GALNT9: variants seen among roughly 807,000 people sequenced by gnomAD.
GALNT9 encodes the protein polypeptide N-acetylgalactosaminyltransferase 9, also known as GalNAc transferase 9.
Under a neutral mutation model 63.1 loss-of-function variants are expected in GALNT9, and 47 were observed. The observed-to-expected ratio is 0.75, with a 90% CI of 0.59 to 0.95. The LOEUF is 0.95. GALNT9 is among the 40% of genes least tolerant of loss of function. The pLI is 0.00. For missense variants in GALNT9, 829 were observed against 874.8 expected (o/e 0.95, Z 0.66); for synonymous variants, 396 against 365.7 (o/e 1.08, Z -0.94).
At chr12:132,201,055 T>C (rs1174573871) in intron 8 of GALNT9, 69 bp downstream of exon 8, 2 of 1,438,168 alleles carry the variant, frequency 1.4e-6, no homozygotes, top group East Asian at 4.6e-5. Context: ...TCACCCTGAA[T>C]GCATACGTGT....
intron 1 of GALNT9, among the ~76,000 whole-genome samples, chr12:132,290,397 G>GC (rs1880762593): frequency 6.6e-6 from 1 of 152,116 alleles, no homozygotes; most frequent in Admixed American, 6.5e-5. Flanking sequence ...CCGTCCCAAC[G>GC]CGCTGTGTCT....
intron 2 of GALNT9, chr12:132,280,311 C>T (rs1880286383): frequency 6.6e-6 from 1 of 152,256 alleles, no homozygotes; most frequent in Non-Finnish European, 1.5e-5. Context: ...ATGAGGGACA[C>T]AAATGTCTCT....
intron 6 of GALNT9, among the ~76,000 whole-genome samples, chr12:132,225,492 A>G (rs888316723): frequency 6.9e-6 from 1 of 143,974 alleles, no homozygotes; most frequent in Non-Finnish European, 1.5e-5. Context: ...ACACATACAT[A>G]CCACACAATC....
intron 3 of GALNT9, among the ~76,000 whole-genome samples, chr12:132,261,456 C>T (rs782284534): frequency 5.3e-5 from 8 of 152,230 alleles, no homozygotes; most frequent in Non-Finnish European, 1.0e-4. Flanking sequence ...GGTGGACACA[C>T]AAACGTGGCC....
intron 1 of GALNT9, among the ~76,000 whole-genome samples, chr12:132,298,691 CCT>C (rs1555243489): frequency 4.0e-5 from 6 of 150,890 alleles, no homozygotes; most frequent in East Asian, 4.0e-4. Context: ...CTAACCCACC[CCT>C]GAGATAACCA....
rs1555236336 is a variant in GALNT9, at chr12:132,236,412, C to T, written c.1077+11498G>A. On this transcript the variant is annotated intron_variant, in intron 6 of 10. Transcript: ENST00000328957. This position sits in a 1 kb window ranked among gnomAD's most constrained non-coding sequence, Gnocchi z 5.6. ...GCCTCGGAACCGGAGGGGAAGACCCCACAGCGTCTGCGGAGCTCCCTGAGG... is the reference window on the plus strand; with the variant it reads ...GCCTCGGAACCGGAGGGGAAGACCCTACAGCGTCTGCGGAGCTCCCTGAGG... 6.6e-6 allele frequency among the ~76,000 whole-genome samples: 1 copy of T among 152,004 alleles called. No individual in the cohort carries two copies. The highest frequency in any genetic ancestry group is 1.5e-5 in the Non-Finnish European group (1 of 67,996).
Position 132,296,130 on chromosome 12 carries a change from G to C in GALNT9, c.239-9700C>G, listed in dbSNP as rs1452045349. Among the ~76,000 whole-genome samples the C allele has an allele frequency of 2.0e-5, 3 of 151,792 alleles. No individual in the cohort carries two copies. Among genetic ancestry groups the C allele is most frequent in the Non-Finnish European group, 4.4e-5 (3 of 67,908 alleles). On this transcript the variant is annotated intron_variant, in intron 1 of 10. Coordinates refer to ENST00000328957, the MANE Select transcript of GALNT9 (RefSeq NM_001122636.2). The surrounding 1 kb of genome is among the most constrained non-coding windows in gnomAD (Gnocchi z 4.2). ...CGAACAGGGAGAGCCTCTGAACAGG[G>C]AGAGCCTCTGAACAGGGACGGCCTC...
intron 6 of GALNT9, among the ~76,000 whole-genome samples, chr12:132,229,602 G>T (rs1457008053): frequency 1.3e-5 from 2 of 152,190 alleles, no homozygotes; most frequent in Non-Finnish European, 2.9e-5. Flanking sequence ...CGGGGATGGG[G>T]CTGGGAGAGA....
At position 132,282,424 on chromosome 12, in the gene GALNT9, TGTGTGC is replaced by T. The variant is rs1441386154; in HGVS notation, c.419+3820_419+3825del. ...GTGCGCGTGTGTGCGTGTGTGTGCGTGTGTGCGTGCATGCGTGTGTGTGCGTGTGCA... is the reference window on the plus strand; with the variant it reads ...GTGCGCGTGTGTGCGTGTGTGTGCGTGTGCATGCGTGTGTGTGCGTGTGCA... On this transcript the variant is annotated intron_variant, in intron 2 of 10. Coordinates refer to ENST00000328957, the MANE Select transcript of GALNT9 (RefSeq NM_001122636.2). This position sits in a 1 kb window ranked among gnomAD's most constrained non-coding sequence, Gnocchi z 4.5. 6.6e-6 allele frequency among the ~76,000 whole-genome samples: 1 copy of T among 151,558 alleles called. No homozygotes were observed. Among genetic ancestry groups the T allele is most frequent in the Admixed American group, 6.6e-5 (1 of 15,258 alleles).
At chr12:132,235,403 A>G (rs1877966311) in intron 6 of GALNT9, among the ~76,000 whole-genome samples, 1 of 152,220 alleles carries the variant, frequency 6.6e-6, no homozygotes, top group Non-Finnish European at 1.5e-5. Context: ...AGGGTCCTAG[A>G]GGAGAGGTGG....
intron 8 of GALNT9, chr12:132,200,353 T>TGGGGGCCAGTGGAGAC (rs1275694088): frequency 2.2e-5 from 3 of 133,750 alleles, no homozygotes; most frequent in Non-Finnish European, 4.8e-5. Flanking sequence ...GCTGTGCATG[T>TGGGGGCCAGTGGAGAC]GGGGGCCAGT....
At position 132,243,333 on chromosome 12, in the gene GALNT9, C is replaced by CCT; in HGVS notation, c.1077+4576_1077+4577insAG. Among the ~76,000 whole-genome samples the CCT allele has an allele frequency of 1.6e-5, 2 of 126,392 alleles. 1 individual carries two copies. Among genetic ancestry groups the CCT allele is most frequent in the Non-Finnish European group, 3.4e-5 (2 of 59,240 alleles). 82.9% of individuals were successfully genotyped at this position (126,392 alleles called of 152,430 possible). A position where few individuals can be genotyped will look rare whatever the true frequency, so the allele number is the denominator to read the frequency against. On this transcript the variant is annotated intron_variant, in intron 6 of 10. Coordinates refer to ENST00000328957, the MANE Select transcript of GALNT9 (RefSeq NM_001122636.2). ...CATTACACACACACCACACACCCTT[C>CCT]CCGGGGGGCCATCAGGGCCCCCAGT... is the stretch of plus-strand genomic sequence containing the variant.
intron 6 of GALNT9, among the ~76,000 whole-genome samples, chr12:132,221,644 G>A: frequency 8.8e-6 from 1 of 113,938 alleles, no homozygotes; most frequent in African/African-American, 3.5e-5. Flanking sequence ...CTGGGTGACA[G>A]AGTGAGACGT....
Position 132,329,044 on chromosome 12 carries a change from C to T in GALNT9, c.160G>A (p.Val54Met), listed in dbSNP as rs1423411465. Residue 54 changes from valine (V) to methionine (M), a missense_variant, in exon 1 of 11, where the codon GTG (valine) becomes ATG (methionine). Transcript: ENST00000328957. The part of the protein sequence containing the change: ...DRRVRSRHAK[V>M]GTLGDREAIL... ...GCCTCACGGTCCCCCAGCGTGCCCA[C>T]CTTGGCGTGTCGGCTGCGCACCCGG... The T allele has an allele frequency of 6.5e-7, 1 of 1,546,266 alleles. No homozygotes were observed. The highest frequency in any genetic ancestry group is 1.4e-5 in the African/African-American group (1 of 72,992).
intron 2 of GALNT9, among the ~76,000 whole-genome samples, chr12:132,268,911 C>T (rs1352302896): frequency 2.0e-5 from 3 of 152,216 alleles, no homozygotes; most frequent in Non-Finnish European, 4.4e-5. Flanking sequence ...GGGGCCGGAA[C>T]GCCCACGTGT....
chr12:132,210,625 G>A (rs1876913874), intron 6 of GALNT9, among the ~76,000 whole-genome samples: 1 of 152,198 alleles, frequency 6.6e-6, no homozygotes, highest in Non-Finnish European at 1.5e-5. Context: ...CATGCTTGAG[G>A]CCCGAGCCCC....
At chr12:132,306,597 C>T (rs888980434) in intron 1 of GALNT9, among the ~76,000 whole-genome samples, 1 of 152,184 alleles carries the variant, frequency 6.6e-6, no homozygotes, top group Non-Finnish European at 1.5e-5. Context: ...CCACCTGCCC[C>T]GGCATTGCTG....
At chr12:132,272,352 A>G (rs1879903036) in intron 2 of GALNT9, among the ~76,000 whole-genome samples, 2 of 152,224 alleles carry the variant, frequency 1.3e-5, no homozygotes, top group African/African-American at 2.4e-5. Flanking sequence ...CAGGCCCTCC[A>G]CGATGCCCCT....
chr12:132,229,627 C>T (rs1466049956), intron 6 of GALNT9, among the ~76,000 whole-genome samples: 3 of 152,212 alleles, frequency 2.0e-5, no homozygotes, highest in African/African-American at 7.2e-5. Context: ...GCCTGTGCCT[C>T]AGCGGGGCCG....
Sources: allele counts gnomAD v4.1 joint callset (sites outside exome capture counted in the v4.1 genomes callset), GRCh38; gene constraint gnomAD v4.1.1; non-coding constraint Gnocchi (gnomAD v3.1); transcripts MANE v1.5; gene names NCBI Gene and HGNC (gene_info 2026-07-23, HGNC 2026-07-21).